CCBE1: variants seen among roughly 807,000 people sequenced by gnomAD.
CCBE1 encodes the protein collagen and calcium-binding EGF domain-containing protein 1.
A neutral mutation model predicts 50.0 loss-of-function variants in CCBE1; 37 were observed. The ratio of observed to expected loss-of-function variants is 0.74; its 90% CI spans 0.57 to 0.97. CCBE1 has a LOEUF of 0.97. CCBE1 is among the 50% of genes least tolerant of loss of function. The pLI, the probability that CCBE1 is intolerant of heterozygous loss-of-function variation, is 0.00. For synonymous variants in CCBE1, 234 were observed against 203.7 expected (o/e 1.15, Z -1.27); for missense variants, 538 against 523.8 (o/e 1.03, Z -0.26).
intron 2 of CCBE1, among the ~76,000 whole-genome samples, chr18:59,695,834 C>CA (rs2054797104): frequency 1.3e-5 from 2 of 152,176 alleles, no homozygotes; most frequent in African/African-American, 2.4e-5. Flanking sequence ...CTCTAAAACG[C>CA]AGATATCCAA....
intron 5 of CCBE1, among the ~76,000 whole-genome samples, chr18:59,456,312 G>A (rs1458108882): frequency 6.6e-6 from 1 of 152,232 alleles, no homozygotes; most frequent in African/African-American, 2.4e-5. Flanking sequence ...GATTCCCAGT[G>A]CTTTAGAATG....
chr18:59,646,348 G>T (rs558818134), intron 2 of CCBE1, among the ~76,000 whole-genome samples: 2 of 152,304 alleles, frequency 1.3e-5, no homozygotes, highest in African/African-American at 4.8e-5. Flanking sequence ...TCCTGAGAGG[G>T]ATTCTACCCA....
intron 2 of CCBE1, among the ~76,000 whole-genome samples, chr18:59,570,098 T>C (rs1337931925): frequency 6.6e-6 from 1 of 152,230 alleles, no homozygotes; most frequent in Non-Finnish European, 1.5e-5. Context: ...ACGCTCCACA[T>C]TGTTTTAGAT....
chr18:59,598,744 A>C (rs989170872), intron 2 of CCBE1, among the ~76,000 whole-genome samples: 2 of 152,218 alleles, frequency 1.3e-5, no homozygotes, highest in African/African-American at 4.8e-5. Flanking sequence ...CCAAGTGAGC[A>C]GTTCTCAGAT....
At chr18:59,596,944 C>G (rs932135217) in intron 2 of CCBE1, among the ~76,000 whole-genome samples, 5 of 152,204 alleles carry the variant, frequency 3.3e-5, no homozygotes, top group African/African-American at 7.2e-5. Context: ...TGGACCAACA[C>G]AGCAAAGTAA....
chr18:59,677,091 T>G (rs1326036393), intron 2 of CCBE1, among the ~76,000 whole-genome samples: 1 of 152,088 alleles, frequency 6.6e-6, no homozygotes, highest in Non-Finnish European at 1.5e-5. Flanking sequence ...ATTTTAAGGT[T>G]CAGGATCATA....
chr18:59,543,848 A>AAAAAAAAAAAAAG (rs1915577474), intron 2 of CCBE1, among the ~76,000 whole-genome samples: 1 of 134,150 alleles, frequency 7.5e-6, no homozygotes, highest in African/African-American at 3.0e-5. Flanking sequence ...AAAAAAAAAA[A>AAAAAAAAAAAAAG]AAAAAAAAAA....
intron 2 of CCBE1, among the ~76,000 whole-genome samples, chr18:59,571,717 T>C (rs1004278093): frequency 8.5e-5 from 13 of 152,208 alleles, no homozygotes; most frequent in Non-Finnish European, 1.5e-4. Context: ...TCTGTACATA[T>C]ATGGAGGGCT....
intron 2 of CCBE1, among the ~76,000 whole-genome samples, chr18:59,649,046 A>T (rs1004071872): frequency 1.3e-5 from 2 of 152,230 alleles, no homozygotes; most frequent in African/African-American, 4.8e-5. Flanking sequence ...AGAGTGTCTG[A>T]GGAGAGGACG....
At chr18:59,600,900 T>C (rs2053419544) in intron 2 of CCBE1, among the ~76,000 whole-genome samples, 1 of 151,574 alleles carries the variant, frequency 6.6e-6, no homozygotes, top group Non-Finnish European at 1.5e-5. Flanking sequence ...AGAGTATACA[T>C]AATGATTTTT....
chr18:59,487,816 C>T (rs1223065038), intron 2 of CCBE1, among the ~76,000 whole-genome samples: 1 of 152,180 alleles, frequency 6.6e-6, no homozygotes, highest in Non-Finnish European at 1.5e-5. Flanking sequence ...CATAGAATTA[C>T]CATATAATCC....
chr18:59,488,812 C>T (rs1024266061), intron 2 of CCBE1, among the ~76,000 whole-genome samples: 2 of 152,124 alleles, frequency 1.3e-5, no homozygotes, highest in Non-Finnish European at 2.9e-5. Context: ...GCTTGGTAAG[C>T]GCTGGCATGC....
At chr18:59,468,289 G>T (rs114168315) in intron 4 of CCBE1, among the ~76,000 whole-genome samples, 1 of 152,226 alleles carries the variant, frequency 6.6e-6, no homozygotes, top group South Asian at 2.1e-4. Flanking sequence ...GGAGGCTCAG[G>T]TGGGAGGATC....
At chr18:59,514,390 G>C (rs958172841) in intron 2 of CCBE1, among the ~76,000 whole-genome samples, 4 of 152,148 alleles carry the variant, frequency 2.6e-5, no homozygotes, top group Middle Eastern at 3.4e-3. Flanking sequence ...TTTTGAGAGC[G>C]GCTGTCACTC....
intron 2 of CCBE1, among the ~76,000 whole-genome samples, chr18:59,568,884 G>A (rs2144478910): frequency 6.6e-6 from 1 of 152,304 alleles, no homozygotes; most frequent in Non-Finnish European, 1.5e-5. Flanking sequence ...ACATGGGCAG[G>A]CCATGAGTTC....
rs1056234180 is a variant in CCBE1, at chr18:59,439,575, G to C, written c.919C>G (p.Pro307Ala). ...CCATCTCTTCCTGGTGCCCCTGGTG[G>C]ACCCTGTAATACAAAAGGATCTGGT... ...IKQGRRGPVG[P>A]PGAPGRDGSK... Residue 307 changes from proline to alanine, a missense_variant, in exon 9 of 11, where the codon CCA (proline) becomes GCA (alanine). Physicochemically the swap from Pro to Ala is conservative, Grantham distance 27. Coordinates refer to ENST00000439986, the MANE Select transcript of CCBE1 (RefSeq NM_133459.4). 22 of 1,614,242 alleles carry C rather than the reference G, an allele frequency of 1.4e-5. No individual in the cohort carries two copies. The highest frequency in any genetic ancestry group is 1.7e-5 in the Non-Finnish European group (20 of 1,180,028).
intron 2 of CCBE1, among the ~76,000 whole-genome samples, chr18:59,638,329 C>T (rs1320306491): frequency 1.3e-5 from 2 of 152,176 alleles, no homozygotes; most frequent in African/African-American, 2.4e-5. Context: ...ATGTCTAAAG[C>T]GTTTCAAGAT....
At chr18:59,543,604 G>A (rs1359672646) in intron 2 of CCBE1, among the ~76,000 whole-genome samples, 1 of 152,158 alleles carries the variant, frequency 6.6e-6, no homozygotes, top group Non-Finnish European at 1.5e-5. Context: ...GAGAGGCCGA[G>A]GCGGGCAGAT....
At chr18:59,605,563 T>C (rs1031672002) in intron 2 of CCBE1, among the ~76,000 whole-genome samples, 2 of 152,196 alleles carry the variant, frequency 1.3e-5, no homozygotes, top group African/African-American at 4.8e-5. Flanking sequence ...GCATAATTAC[T>C]AGGTGTTCCT....
Sources: gnomAD v4.1 joint callset for allele counts (sites outside exome capture counted in the v4.1 genomes callset) on GRCh38, gnomAD v4.1.1 for gene constraint, MANE v1.5 for transcripts, NCBI Gene and HGNC (gene_info 2026-07-23, HGNC 2026-07-21) for gene names.